CTDSPL2: variants seen among roughly 807,000 people sequenced by gnomAD.
CTDSPL2 encodes the protein CTD small phosphatase-like protein 2.
A neutral mutation model predicts 60.0 loss-of-function variants in CTDSPL2; 5 were observed. The observed-to-expected ratio is 0.08, with a 90% CI of 0.04 to 0.18. The LOEUF is 0.18. CTDSPL2 is among the 10% of genes least tolerant of loss of function. The pLI, the probability that CTDSPL2 is intolerant of heterozygous loss-of-function variation, is 1.00. For synonymous variants in CTDSPL2, 186 were observed against 189.3 expected (o/e 0.98, Z 0.14); for missense variants, 370 against 548.8 (o/e 0.67, Z 3.26).
At chr15:44,487,345 C>T (rs1473057892) in intron 4 of CTDSPL2, among the ~76,000 whole-genome samples, 1 of 152,170 alleles carries the variant, frequency 6.6e-6, no homozygotes, top group Non-Finnish European at 1.5e-5. Flanking sequence ...GTCCTAGCTA[C>T]TCCAGAGGCT....
intron 1 of CTDSPL2, among the ~76,000 whole-genome samples, chr15:44,433,796 A>C (rs1179076080): frequency 1.3e-5 from 2 of 151,640 alleles, no homozygotes; most frequent in African/African-American, 4.8e-5. Context: ...CTAAAAATAC[A>C]AAAAAAATTA....
At chr15:44,448,410 G>A in intron 1 of CTDSPL2, 1 of 249,866 alleles carries the variant, frequency 4.0e-6, no homozygotes, top group Admixed American at 4.6e-5. Flanking sequence ...CCACACCATG[G>A]CCCAGGCCTG....
chr15:44,457,784 G>C (rs1424645847), intron 1 of CTDSPL2, among the ~76,000 whole-genome samples: 1 of 152,100 alleles, frequency 6.6e-6, no homozygotes, highest in Non-Finnish European at 1.5e-5. Context: ...CCTAATTTTT[G>C]TATTTTTAGT....
At chr15:44,450,693 T>C (rs2141321464) in intron 1 of CTDSPL2, among the ~76,000 whole-genome samples, 1 of 149,260 alleles carries the variant, frequency 6.7e-6, no homozygotes, top group South Asian at 2.1e-4. Flanking sequence ...GCCTCTGGGG[T>C]TCAGGTGATT....
intron 10 of CTDSPL2, among the ~76,000 whole-genome samples, chr15:44,515,954 CTCTCTCTT>C (rs2081645888): frequency 6.7e-6 from 1 of 150,258 alleles, no homozygotes; most frequent in Admixed American, 6.6e-5. Context: ...TCTTTCTCTC[CTCTCTCTT>C]TCTCTATTTC....
chr15:44,495,373 G>T (rs2081281576), intron 5 of CTDSPL2, among the ~76,000 whole-genome samples: 1 of 152,076 alleles, frequency 6.6e-6, no homozygotes, highest in Non-Finnish European at 1.5e-5. Context: ...ATGAGGTCAG[G>T]AGATCGAGAG....
In CTDSPL2 at chr15:44,431,012, G is replaced by A. The variant is rs140530120; in HGVS notation, c.-25+3240G>A. On this transcript the variant is annotated intron_variant, in intron 1 of 12. Transcript: ENST00000260327. ...AATTTTTGCATTTTTAGTAGAGATG[G>A]GGTTTCTCTATGTTGGCCAGGCTGG... is the stretch of plus-strand genomic sequence containing the variant. Among the ~76,000 whole-genome samples the A allele has an allele frequency of 3.7e-4, 57 of 152,018 alleles. 2 individuals carry two copies. In the East Asian group the frequency reaches 0.011, roughly 29 times the overall value.
At chr15:44,464,206 T>C (rs974818087) in intron 2 of CTDSPL2, among the ~76,000 whole-genome samples, 3 of 152,208 alleles carry the variant, frequency 2.0e-5, no homozygotes, top group African/African-American at 7.2e-5. Context: ...AAGCAGTTAC[T>C]ATTTGCCAAG....
chr15:44,429,305 C>T lies in CTDSPL2; in HGVS notation c.-25+1533C>T, dbSNP rs190946718. 4.6e-5 allele frequency among the ~76,000 whole-genome samples: 7 copies of T among 152,188 alleles called. 1 individual carries two copies. In the East Asian group the frequency reaches 9.6e-4, roughly 21 times the overall value. ...GAATAGAATAGTGGAGGTACAGGCA[C>T]GTTAACTACTTGCCGAGTCAGTTTA... On this transcript the variant is annotated intron_variant, in intron 1 of 12. Coordinates refer to ENST00000260327, the MANE Select transcript of CTDSPL2 (RefSeq NM_016396.3).
intron 1 of CTDSPL2, chr15:44,448,689 G>T: frequency 3.1e-6 from 1 of 324,008 alleles, no homozygotes; most frequent in South Asian, 3.0e-5. Flanking sequence ...AATTTCTGCA[G>T]GCCCTGTTTC....
intron 1 of CTDSPL2, among the ~76,000 whole-genome samples, chr15:44,430,422 T>A (rs2079833570): frequency 6.6e-6 from 1 of 151,930 alleles, no homozygotes; most frequent in Non-Finnish European, 1.5e-5. Flanking sequence ...ATTTTTTTAG[T>A]TTTTTGTAGA....
chr15:44,441,997 C>T (rs1462188253), intron 1 of CTDSPL2, among the ~76,000 whole-genome samples: 1 of 152,154 alleles, frequency 6.6e-6, no homozygotes. Flanking sequence ...AGAGACTCCC[C>T]AATTAGCGCT....
chr15:44,493,173 A>G (rs971547589), intron 5 of CTDSPL2, among the ~76,000 whole-genome samples: 1 of 152,178 alleles, frequency 6.6e-6, no homozygotes, highest in Non-Finnish European at 1.5e-5. Context: ...AAACATCACT[A>G]TACAGTATGG....
chr15:44,507,077 G>GT (rs1382277578), intron 8 of CTDSPL2, among the ~76,000 whole-genome samples: 1 of 143,470 alleles, frequency 7.0e-6, no homozygotes, highest in East Asian at 2.1e-4. Flanking sequence ...TTTTTTGTTT[G>GT]TTTTTTGTTT....
At chr15:44,509,857 C>T (rs538088236) in intron 8 of CTDSPL2, among the ~76,000 whole-genome samples, 117 of 151,834 alleles carry the variant, frequency 7.7e-4, no homozygotes, top group Middle Eastern at 3.4e-3. Context: ...ACCTGGGAGA[C>T]GGAGGTTGCA....
chr15:44,446,611 C>T (rs1345185448), intron 1 of CTDSPL2, among the ~76,000 whole-genome samples: 1 of 149,676 alleles, frequency 6.7e-6, no homozygotes, highest in African/African-American at 2.5e-5. Flanking sequence ...GCCTGGGTGA[C>T]AGAGCAAGGC....
chr15:44,515,567 C>T lies in CTDSPL2; in HGVS notation c.1112+723C>T, dbSNP rs140587013. Among the ~76,000 whole-genome samples, 72 of 152,214 alleles carry T rather than the reference C, an allele frequency of 4.7e-4. No individual in the cohort carries two copies. In the East Asian group the frequency reaches 0.013, roughly 27 times the overall value. ...CAAAAGCTGAGAGAGATGACACAAA[C>T]GGCTCATAAAAGCTTTAATAGGGCC... On this transcript the variant is annotated intron_variant, in intron 10 of 12. Transcript: ENST00000260327.
chr15:44,492,193 G>A (rs1024769039), intron 5 of CTDSPL2, among the ~76,000 whole-genome samples: 6 of 152,086 alleles, frequency 3.9e-5, no homozygotes, highest in African/African-American at 7.2e-5. Context: ...TAAATTAGCC[G>A]GGGATGGTGG....
At chr15:44,477,282 C>T (rs1237188057) in intron 2 of CTDSPL2, among the ~76,000 whole-genome samples, 4 of 152,062 alleles carry the variant, frequency 2.6e-5, no homozygotes, top group Admixed American at 2.6e-4. Context: ...CCTGTGATCC[C>T]AGCACTTTGG....
Sources: gnomAD v4.1 joint callset for allele counts (sites outside exome capture counted in the v4.1 genomes callset) on GRCh38, gnomAD v4.1.1 for gene constraint, MANE v1.5 for transcripts, NCBI Gene and HGNC (gene_info 2026-07-23, HGNC 2026-07-21) for gene names.